DPP10: variants seen among roughly 807,000 people sequenced by gnomAD.
The protein encoded by DPP10 is inactive dipeptidyl peptidase 10.
DPP10 carries 33 observed loss-of-function variants against 120.9 expected under a neutral mutation model. The ratio of observed to expected loss-of-function variants is 0.27; its 90% CI spans 0.21 to 0.37. DPP10 has a LOEUF of 0.37. DPP10 is among the 10% of genes least tolerant of loss of function. The probability of loss-of-function intolerance (pLI) is 1.00; values close to 1 mark genes in which losing one functional copy is unlikely to be tolerated. For synonymous variants in DPP10, 337 were observed against 326.1 expected, an observed-to-expected ratio of 1.03 and a Z score of -0.36; for missense variants, 816 against 942.8, an observed-to-expected ratio of 0.87 and a Z score of 1.76.
At chr2:114,447,291 G>A (rs926059234) in intron 1 of DPP10, among the ~76,000 whole-genome samples, 15 of 152,116 alleles carry the variant, frequency 9.9e-5, no homozygotes, top group Non-Finnish European at 1.6e-4. Context: ...CACCGCGCCC[G>A]GCCCACTTGT....
At chr2:114,716,203 T>C (rs1052850319) in intron 1 of DPP10, among the ~76,000 whole-genome samples, 2 of 152,106 alleles carry the variant, frequency 1.3e-5, no homozygotes, top group African/African-American at 2.4e-5. Flanking sequence ...TAAGAAATTT[T>C]AAAAAATGAA....
chr2:114,699,558 T>C (rs1168710113), intron 1 of DPP10, among the ~76,000 whole-genome samples: 1 of 152,096 alleles, frequency 6.6e-6, no homozygotes, highest in East Asian at 1.9e-4. Flanking sequence ...TATCTAAGTA[T>C]GAGGAAAGAA....
At chr2:114,903,625 T>C (rs770257891) in intron 1 of DPP10, among the ~76,000 whole-genome samples, 2 of 152,232 alleles carry the variant, frequency 1.3e-5, no homozygotes. Context: ...TATCTCAAGA[T>C]GAATTTGGGG....
intron 7 of DPP10, among the ~76,000 whole-genome samples, chr2:115,703,890 A>G (rs1017781368): frequency 7.2e-5 from 11 of 151,944 alleles, no homozygotes; most frequent in South Asian, 2.1e-4. Context: ...CCTACAAATA[A>G]TTCACTTAAT....
intron 1 of DPP10, among the ~76,000 whole-genome samples, chr2:114,818,818 A>G (rs1215170869): frequency 6.6e-6 from 1 of 152,116 alleles, no homozygotes; most frequent in African/African-American, 2.4e-5. Context: ...TTTCTACCAC[A>G]CGCACCATTC....
chr2:115,064,150 C>G (rs1369960079), intron 1 of DPP10, among the ~76,000 whole-genome samples: 2 of 149,966 alleles, frequency 1.3e-5, no homozygotes, highest in Non-Finnish European at 3.0e-5. Flanking sequence ...CTTTTTTTTT[C>G]TTCTTTTCTC....
At chr2:114,619,548 C>G (rs1693935535) in intron 1 of DPP10, among the ~76,000 whole-genome samples, 1 of 151,872 alleles carries the variant, frequency 6.6e-6, no homozygotes, top group Admixed American at 6.6e-5. Context: ...TCTCTTCCCA[C>G]TCCAAACCAC....
At chr2:114,599,932 A>G (rs1176014904) in intron 1 of DPP10, among the ~76,000 whole-genome samples, 1 of 151,486 alleles carries the variant, frequency 6.6e-6, no homozygotes, top group Non-Finnish European at 1.5e-5. Flanking sequence ...TTCTTTCTCC[A>G]TTGAATTGCT....
chr2:115,012,405 C>G (rs1277651627), intron 1 of DPP10, among the ~76,000 whole-genome samples: 1 of 152,154 alleles, frequency 6.6e-6, no homozygotes, highest in African/African-American at 2.4e-5. Context: ...AACAAAAACA[C>G]AACCAAGGAC....
At chr2:114,505,682 G>T (rs1008785425) in intron 1 of DPP10, among the ~76,000 whole-genome samples, 24 of 152,226 alleles carry the variant, frequency 1.6e-4, no homozygotes, top group African/African-American at 5.5e-4. Flanking sequence ...AACTCACTAA[G>T]GGACACAGTT....
chr2:115,112,638 C>T (rs2049286016), intron 1 of DPP10, among the ~76,000 whole-genome samples: 1 of 152,178 alleles, frequency 6.6e-6, no homozygotes, highest in African/African-American at 2.4e-5. Context: ...CATGATCTCA[C>T]TTATATGTGA....
At chr2:114,612,714 A>G (rs1693375600) in intron 1 of DPP10, among the ~76,000 whole-genome samples, 2 of 152,156 alleles carry the variant, frequency 1.3e-5, no homozygotes, top group Admixed American at 6.6e-5. Context: ...TCATAGAAAA[A>G]TCCTGAGTTA....
intron 1 of DPP10, among the ~76,000 whole-genome samples, chr2:114,810,314 C>T (rs780092299): frequency 2.6e-5 from 4 of 152,152 alleles, no homozygotes; most frequent in Non-Finnish European, 5.9e-5. Context: ...TGAATTCTGA[C>T]GCACAGATCA....
At chr2:114,801,797 A>C (rs1684274369) in intron 1 of DPP10, among the ~76,000 whole-genome samples, 1 of 152,192 alleles carries the variant, frequency 6.6e-6, no homozygotes, top group Non-Finnish European at 1.5e-5. Flanking sequence ...AAGCACATAG[A>C]TATTAGGTCT....
chr2:115,482,507 G>A (rs1395113507), intron 3 of DPP10, among the ~76,000 whole-genome samples: 1 of 151,822 alleles, frequency 6.6e-6, no homozygotes, highest in Non-Finnish European at 1.5e-5. Flanking sequence ...CATCTCCAAA[G>A]GGAAATCTAG....
chr2:115,699,763 T>C (rs2091802369), intron 7 of DPP10, among the ~76,000 whole-genome samples: 1 of 152,182 alleles, frequency 6.6e-6, no homozygotes, highest in Non-Finnish European at 1.5e-5. Flanking sequence ...TTATGAACAT[T>C]TATGTAAAAA....
intron 4 of DPP10, among the ~76,000 whole-genome samples, chr2:115,502,443 A>T (rs1213345263): frequency 6.6e-6 from 1 of 152,098 alleles, no homozygotes; most frequent in Non-Finnish European, 1.5e-5. Flanking sequence ...GTGTTTGGAA[A>T]TGTTATCTCT....
chr2:115,513,196 ATT>A (rs1385831328), intron 4 of DPP10, among the ~76,000 whole-genome samples: 10 of 151,898 alleles, frequency 6.6e-5, no homozygotes, highest in African/African-American at 1.9e-4. Context: ...TAGTGAAACC[ATT>A]CTATCCTTGT....
chr2:114,531,469 A>C (rs1044584145), intron 1 of DPP10, among the ~76,000 whole-genome samples: 1 of 150,462 alleles, frequency 6.6e-6, no homozygotes, highest in Non-Finnish European at 1.5e-5. Flanking sequence ...TAAATCTTTT[A>C]TATATATATG....
Sources: allele counts gnomAD v4.1 joint callset (sites outside exome capture counted in the v4.1 genomes callset), GRCh38; gene constraint gnomAD v4.1.1; transcripts MANE v1.5; gene names NCBI Gene and HGNC (gene_info 2026-07-23, HGNC 2026-07-21).